TLN2: variants seen among roughly 807,000 people sequenced by gnomAD.
TLN2 encodes the protein talin 2.
A neutral mutation model predicts 294.7 loss-of-function variants in TLN2; 118 were observed. That is an observed-to-expected ratio of 0.40 (90% CI 0.34 to 0.47). The LOEUF (loss-of-function observed/expected upper bound fraction) is 0.47, where lower values mean the gene tolerates loss of function less well. Among genes scored for constraint, TLN2 ranks in the 20% least tolerant of loss-of-function variants. The pLI, the probability that TLN2 is intolerant of heterozygous loss-of-function variation, is 0.84. For missense variants in TLN2, 3,083 were observed against 3,282.2 expected (o/e 0.94, Z 1.48); for synonymous variants, 1,431 against 1,304.5 (o/e 1.10, Z -2.09).
chr15:62,795,714 C>T (rs2065426327), intron 46 of TLN2, among the ~76,000 whole-genome samples: 1 of 152,226 alleles, frequency 6.6e-6, no homozygotes, highest in South Asian at 2.1e-4. Flanking sequence ...ACACCTTTCA[C>T]AGGAGTCTAA....
intron 45 of TLN2, among the ~76,000 whole-genome samples, chr15:62,791,415 C>T (rs550746884): frequency 1.3e-5 from 2 of 152,220 alleles, no homozygotes; most frequent in South Asian, 2.1e-4. Flanking sequence ...TTGTCGATCA[C>T]GAGAATATTC....
At chr15:62,579,163 T>G (rs907581877) in intron 1 of TLN2, among the ~76,000 whole-genome samples, 1 of 152,148 alleles carries the variant, frequency 6.6e-6, no homozygotes, top group Non-Finnish European at 1.5e-5. Context: ...GAAGGTGTTT[T>G]GGTTTTGCAT....
At position 62,753,891 on chromosome 15, in the gene TLN2, T is replaced by C; in HGVS notation, c.4451T>C (p.Val1484Ala). ...ATCCAGATGGCATGCCAGAACTTGG[T>C]GGACCCTGGCAGCAGCCCATCACAG... ...QAIQMACQNL[V>A]DPGSSPSQVL... Residue 1484 changes from valine (V) to alanine (A), a missense_variant, in exon 36 of 59, where the codon GTG (valine) becomes GCG (alanine). Physicochemically the swap from Val to Ala is moderately conservative, Grantham distance 64. Transcript: ENST00000636159. 1 of 1,608,152 alleles carries C rather than the reference T, an allele frequency of 6.2e-7. No homozygotes were observed. The highest frequency in any genetic ancestry group is 2.2e-5 in the East Asian group (1 of 44,452).
intron 1 of TLN2, among the ~76,000 whole-genome samples, chr15:62,455,092 A>G (rs2036389344): frequency 1.3e-5 from 2 of 152,152 alleles, no homozygotes; most frequent in African/African-American, 2.4e-5. Flanking sequence ...AGAAAAATAA[A>G]TAACTATTTT....
chr15:62,800,606 G>T (rs779630040), intron 49 of TLN2, 47 bp from the exon 50 acceptor site: 2 of 1,611,928 alleles, frequency 1.2e-6, no homozygotes, highest in Admixed American at 1.7e-5. Context: ...GTAGGGGCTG[G>T]ACCTGAGTCA....
At chr15:62,635,169 G>A (rs1596421827) in intron 3 of TLN2, among the ~76,000 whole-genome samples, 1 of 152,102 alleles carries the variant, frequency 6.6e-6, no homozygotes, top group African/African-American at 2.4e-5. Context: ...TGTACATTCA[G>A]ATTTCATTAT....
intron 42 of TLN2, among the ~76,000 whole-genome samples, chr15:62,771,593 C>G (rs1049111646): frequency 1.3e-5 from 2 of 152,232 alleles, no homozygotes; most frequent in Non-Finnish European, 2.9e-5. Flanking sequence ...CACCCAGCTG[C>G]TTTAAGTGGC....
At chr15:62,502,816 T>C (rs1369046269) in intron 1 of TLN2, among the ~76,000 whole-genome samples, 5 of 152,210 alleles carry the variant, frequency 3.3e-5, no homozygotes, top group African/African-American at 1.2e-4. Context: ...TAGATGGTCT[T>C]GGGCTTCTCT....
intron 32 of TLN2, among the ~76,000 whole-genome samples, chr15:62,742,446 G>C (rs1383052501): frequency 6.6e-6 from 1 of 152,098 alleles, no homozygotes; most frequent in East Asian, 1.9e-4. Context: ...CAAAATTACA[G>C]TTTCCAGCTT....
intron 2 of TLN2, among the ~76,000 whole-genome samples, chr15:62,603,140 C>A: frequency 6.6e-6 from 1 of 152,174 alleles, no homozygotes; most frequent in Non-Finnish European, 1.5e-5. Context: ...GATCCACCTG[C>A]CTCGGCCTCC....
chr15:62,641,641 A>AT (rs370672160), intron 3 of TLN2, among the ~76,000 whole-genome samples: 126 of 116,604 alleles, frequency 1.1e-3, no homozygotes, highest in African/African-American at 3.2e-3. Context: ...AATAAAAAAA[A>AT]AATAATAATA....
chr15:62,665,927 A>C (rs113279783), intron 9 of TLN2, among the ~76,000 whole-genome samples: 37 of 152,314 alleles, frequency 2.4e-4, no homozygotes, highest in African/African-American at 8.7e-4. Flanking sequence ...ACTTCCTCCC[A>C]GTGAACTTTT....
chr15:62,703,076 A>G (rs189757969), intron 19 of TLN2, among the ~76,000 whole-genome samples: 146 of 151,724 alleles, frequency 9.6e-4, no homozygotes, highest in Non-Finnish European at 1.5e-3. Context: ...ATGCGTCATC[A>G]TTGTAAAGCA....
At chr15:62,616,751 T>G (rs2048346920) in intron 2 of TLN2, among the ~76,000 whole-genome samples, 1 of 152,232 alleles carries the variant, frequency 6.6e-6, no homozygotes, top group Admixed American at 6.5e-5. Context: ...CATTTGTCTC[T>G]TTGCTTCTTA....
chr15:62,825,814 TA>T (rs1567687533), intron 54 of TLN2, among the ~76,000 whole-genome samples: 6 of 1,968 alleles, frequency 3.0e-3, no homozygotes, highest in Non-Finnish European at 0.014. Flanking sequence ...TATATTATAT[TA>T]TAATATATAT....
chr15:62,802,567 T>C (rs986398246), intron 50 of TLN2, among the ~76,000 whole-genome samples: 2 of 152,238 alleles, frequency 1.3e-5, no homozygotes, highest in Non-Finnish European at 2.9e-5. Context: ...AATAAACTGA[T>C]ATCCTTTCTT....
At chr15:62,729,498 A>C (rs950562729) in intron 28 of TLN2, among the ~76,000 whole-genome samples, 1 of 152,168 alleles carries the variant, frequency 6.6e-6, no homozygotes, top group African/African-American at 2.4e-5. Context: ...GTGAATATCC[A>C]TTTATTTAGG....
intron 1 of TLN2, among the ~76,000 whole-genome samples, chr15:62,576,080 A>G (rs1036098896): frequency 3.4e-4 from 51 of 152,108 alleles, no homozygotes; most frequent in African/African-American, 1.2e-3. Context: ...TTTATGTTCT[A>G]AGGTAGTGGT....
At chr15:62,505,611 C>A (rs2039574149) in intron 1 of TLN2, among the ~76,000 whole-genome samples, 1 of 152,146 alleles carries the variant, frequency 6.6e-6, no homozygotes. Flanking sequence ...GTTTCCTGGA[C>A]TTCTCAGAAC....
Sources: gnomAD v4.1 joint callset for allele counts (sites outside exome capture counted in the v4.1 genomes callset) on GRCh38, gnomAD v4.1.1 for gene constraint, MANE v1.5 for transcripts, NCBI Gene and HGNC (gene_info 2026-07-23, HGNC 2026-07-21) for gene names.